The following NAIP variants were observed in gnomAD, a reference collection of about 807,000 sequenced individuals.
NAIP encodes the protein NLR family apoptosis inhibitory protein, also known as baculoviral IAP repeat-containing protein 1.
Under a neutral mutation model 23.0 loss-of-function variants are expected in NAIP, and 15 were observed. That is an observed-to-expected ratio of 0.65 (90% confidence interval 0.44 to 1.00). The LOEUF is 1.00. Ranked by LOEUF, NAIP falls within the 50% of genes least tolerant of loss-of-function variation. NAIP has a pLI of 0.00. For missense variants in NAIP, 265 were observed against 278.8 expected, an observed-to-expected ratio of 0.95 and a Z score of 0.35; for synonymous variants, 100 against 100.2, an observed-to-expected ratio of 1.00 and a Z score of 0.01.
chr5:71,012,122 C>G (rs971238299), intron 4 of NAIP, among the ~76,000 whole-genome samples: 1 of 151,528 alleles, frequency 6.6e-6, no homozygotes. Context: ...GGAGACGTAA[C>G]TTTCTTATTT....
chr5:71,014,390 G>A (rs1751334842), intron 3 of NAIP, among the ~76,000 whole-genome samples: 3 of 151,520 alleles, frequency 2.0e-5, no homozygotes. Context: ...CTGAAGTGCA[G>A]TGGCGCAATC....
chr5:71,015,356 T>C (rs1347418369), intron 3 of NAIP, among the ~76,000 whole-genome samples: 1 of 149,630 alleles, frequency 6.7e-6, no homozygotes, highest in Non-Finnish European at 1.5e-5. Flanking sequence ...GTACATTTCA[T>C]GAAATCTCTT....
chr5:71,014,680 A>G (rs895736106), intron 3 of NAIP, among the ~76,000 whole-genome samples: 3 of 151,492 alleles, frequency 2.0e-5, no homozygotes, highest in Admixed American at 1.3e-4. Flanking sequence ...AGGCGGGCAG[A>G]TCACCTGAGG....
rs1370011001 is a variant in NAIP, at chr5:70,969,622, T to TAA, written c.*480_*481dup. The stretch of plus-strand genomic sequence containing the variant: ...TATAGAAAACAGGTTCTACAAGGAT[T>TAA]AAGGAACATCTCTTGGCCCACAGAA... On this transcript the variant is annotated 3_prime_UTR_variant, in exon 17 of 17. Transcript: ENST00000517649. The TAA allele has an allele frequency of 1.6e-5, 2 of 122,186 alleles. No homozygotes were observed. Among genetic ancestry groups the TAA allele is most frequent in the African/African-American group, 6.5e-5 (2 of 30,620 alleles). The allele number at this position is 122,186 out of a possible 1,614,324, so 7.6% of individuals were successfully genotyped here. A position where few individuals can be genotyped will look rare whatever the true frequency, so the allele number is the denominator to read the frequency against.
intron 13 of NAIP, among the ~76,000 whole-genome samples, chr5:70,978,078 T>TACC (rs1469543564): frequency 1.1e-5 from 1 of 87,350 alleles, no homozygotes; most frequent in Non-Finnish European, 2.5e-5. Flanking sequence ...CAAATATAAC[T>TACC]ACCACCTCCA....
At chr5:71,011,573 C>A in intron 4 of NAIP, 199 bp from the exon 5 acceptor site, 1 of 584,256 alleles carries the variant, frequency 1.7e-6, no homozygotes, top group African/African-American at 1.9e-5. Context: ...GTACAGAACC[C>A]TAAGCTGTGT....
rs1338248222 is a variant in NAIP at position 70,969,569 on chromosome 5, TAACTC to T, written c.*530_*534del. On this transcript the variant is annotated 3_prime_UTR_variant, in exon 17 of 17. Coordinates refer to ENST00000517649, the MANE Select transcript of NAIP (RefSeq NM_004536.3). The stretch of plus-strand genomic sequence containing the variant: ...GGCAGTGGATAAATGGAAAGTAAGT[TAACTC>T]TACTGTACCAAAGCTAGTTCAATAT... 4.8e-5 allele frequency: 5 copies of T among 104,204 alleles called. No individual in the cohort carries two copies. The highest frequency in any genetic ancestry group is 7.8e-5 in the Non-Finnish European group (4 of 51,252). The allele number at this position is 104,204 out of a possible 1,614,324, so 6.5% of individuals were successfully genotyped here. A position where few individuals can be genotyped will look rare whatever the true frequency, so the allele number is the denominator to read the frequency against.
At chr5:71,010,449 T>C (rs988264907) in intron 5 of NAIP, among the ~76,000 whole-genome samples, 14 of 151,704 alleles carry the variant, frequency 9.2e-5, no homozygotes, top group African/African-American at 3.4e-4. Context: ...TTTGTATTTT[T>C]AGTAGAGACA....
At chr5:70,978,149 ATTTT>A (rs71223138) in intron 13 of NAIP, among the ~76,000 whole-genome samples, 472 of 24,102 alleles carry the variant, frequency 0.02, 1 homozygote, top group Non-Finnish European at 0.048. Flanking sequence ...ATATATATAT[ATTTT>A]TTTTTTTTTT....
In NAIP at chr5:71,016,149, C is replaced by T. The variant is rs558430834; in HGVS notation, c.-3-3231G>A. 2.0e-4 allele frequency among the ~76,000 whole-genome samples: 30 copies of T among 150,770 alleles called. 4 individuals are homozygous for T. The South Asian group carries it at 2.3e-3, about 12-fold the overall frequency. On this transcript the variant is annotated intron_variant, in intron 3 of 16. Coordinates refer to ENST00000517649, the MANE Select transcript of NAIP (RefSeq NM_004536.3). ...TTTTTTTAAGAAAACGAAAACTTAG[C>T]GGGGCATGGTGGCATGTGCCTGTAG... is the stretch of plus-strand genomic sequence containing the variant.
intron 12 of NAIP, among the ~76,000 whole-genome samples, chr5:70,982,651 C>G (rs1466418392): frequency 5.8e-4 from 8 of 13,898 alleles, no homozygotes; most frequent in Non-Finnish European, 3.3e-4. Flanking sequence ...TTTTTTGAGA[C>G]GGAGTCTCAC....
At position 71,011,479 on chromosome 5, in the gene NAIP, G is replaced by A; in HGVS notation, c.569-105C>T. 1.2e-5 allele frequency: 11 copies of A among 930,396 alleles called. 1 individual carries two copies. Among genetic ancestry groups the A allele is most frequent in the South Asian group, 6.2e-5 (4 of 64,488 alleles). The allele number at this position is 930,396 out of a possible 1,614,324, so 57.6% of individuals were successfully genotyped here. On this transcript the variant is annotated intron_variant, in intron 4 of 16. Transcript: ENST00000517649. ...GAGCAAGACAAGCTCCAGCGTGGCT[G>A]TGCACTCCCGATCTCATTGGCCTGA...
intron 5 of NAIP, among the ~76,000 whole-genome samples, chr5:71,008,249 TA>T (rs1348255481): frequency 6.9e-6 from 1 of 145,848 alleles, no homozygotes; most frequent in Non-Finnish European, 1.5e-5. Context: ...TTTGTATTTT[TA>T]ATAGAGACAG....
chr5:71,007,525 CAA>C (rs1239427100), intron 5 of NAIP, among the ~76,000 whole-genome samples: 2 of 95,164 alleles, frequency 2.1e-5, no homozygotes, highest in Admixed American at 1.2e-4. Context: ...CACCCCCTGA[CAA>C]ATCCAGATCC....
chr5:71,015,326 C>T (rs1344361665), intron 3 of NAIP, among the ~76,000 whole-genome samples: 1 of 150,288 alleles, frequency 6.7e-6, no homozygotes, highest in Non-Finnish European at 1.5e-5. Context: ...TTACAGTGAG[C>T]CACAATTATG....
chr5:71,011,219 C>A (rs1382824589), intron 5 of NAIP, 56 bp downstream of exon 5: 15 of 1,379,528 alleles, frequency 1.1e-5, no homozygotes, highest in African/African-American at 2.9e-5. Context: ...GGTGGCAGAG[C>A]AAGACTGTCT....
chr5:71,013,580 C>A (rs1751276019), intron 3 of NAIP, among the ~76,000 whole-genome samples: 1 of 147,686 alleles, frequency 6.8e-6, no homozygotes, highest in Non-Finnish European at 1.5e-5. Flanking sequence ...GTGGAGCTTG[C>A]AGCGAGCCGA....
chr5:70,979,572 C>CAAAAA (rs1185904838), intron 13 of NAIP, among the ~76,000 whole-genome samples: 1 of 16,678 alleles, frequency 6.0e-5, no homozygotes, highest in Admixed American at 7.1e-4. Context: ...GAGACTGTCT[C>CAAAAA]AAAAAAAAAA....
At chr5:71,012,287 GAA>G in intron 4 of NAIP, 59 bp downstream of exon 4, 1 of 1,450,894 alleles carries the variant, frequency 6.9e-7, no homozygotes. Flanking sequence ...AAAAGCAATT[GAA>G]AAATAAAACC....
Sources: allele counts gnomAD v4.1 joint callset (sites outside exome capture counted in the v4.1 genomes callset), GRCh38; gene constraint gnomAD v4.1.1; transcripts MANE v1.5; gene names NCBI Gene and HGNC (gene_info 2026-07-23, HGNC 2026-07-21).